GRID2: variants seen among roughly 807,000 people sequenced by gnomAD.
The protein encoded by GRID2 is glutamate receptor ionotropic, delta-2.
Under a neutral mutation model 114.8 loss-of-function variants are expected in GRID2, and 33 were observed. The observed-to-expected ratio is 0.29, with a 90% CI of 0.22 to 0.38. The LOEUF (loss-of-function observed/expected upper bound fraction) is 0.38. GRID2 is among the 10% of genes least tolerant of loss of function. The pLI is 1.00. For synonymous variants in GRID2, 505 were observed against 449.9 expected (o/e 1.12, Z -1.55); for missense variants, 1,184 against 1,257.7 (o/e 0.94, Z 0.89).
chr4:93,607,994 A>T (rs1740440347), intron 13 of GRID2, among the ~76,000 whole-genome samples: 3 of 151,250 alleles, frequency 2.0e-5, no homozygotes, highest in South Asian at 4.1e-4. Flanking sequence ...GTTTTTTCTC[A>T]TACAAAGCTA....
intron 2 of GRID2, among the ~76,000 whole-genome samples, chr4:92,878,913 G>A (rs1353284224): frequency 1.3e-5 from 2 of 151,994 alleles, no homozygotes; most frequent in African/African-American, 4.8e-5. Context: ...AACCCGTGAG[G>A]CTATCTAAAT....
intron 5 of GRID2, among the ~76,000 whole-genome samples, chr4:93,214,364 T>C (rs1743937977): frequency 6.6e-6 from 1 of 152,094 alleles, no homozygotes; most frequent in South Asian, 2.1e-4. Context: ...GATTAAATGA[T>C]CACTTGTCTT....
chr4:92,437,429 C>T (rs1439427470), intron 1 of GRID2, among the ~76,000 whole-genome samples: 2 of 152,034 alleles, frequency 1.3e-5, no homozygotes, highest in Non-Finnish European at 2.9e-5. Context: ...ACAGGCATGC[C>T]TCAAATAGCC....
chr4:92,539,603 G>GT (rs1725826821), intron 1 of GRID2, among the ~76,000 whole-genome samples: 1 of 151,792 alleles, frequency 6.6e-6, no homozygotes, highest in Non-Finnish European at 1.5e-5. Context: ...CTTCCAAATG[G>GT]TTATATTTAA....
intron 2 of GRID2, among the ~76,000 whole-genome samples, chr4:92,657,177 T>C (rs1050155833): frequency 3.1e-4 from 47 of 151,714 alleles, no homozygotes; most frequent in African/African-American, 1.0e-3. Context: ...AAGTTGGTGG[T>C]GAAAGAAGGC....
intron 10 of GRID2, among the ~76,000 whole-genome samples, chr4:93,437,168 C>G (rs142413543): frequency 9.3e-4 from 141 of 152,210 alleles, no homozygotes; most frequent in African/African-American, 3.2e-3. Context: ...ATAGAGCTTA[C>G]TTATTCCTGA....
intron 2 of GRID2, among the ~76,000 whole-genome samples, chr4:92,853,220 GATATA>G (rs1476705670): frequency 6.6e-6 from 1 of 151,886 alleles, no homozygotes; most frequent in Non-Finnish European, 1.5e-5. Flanking sequence ...AGGATTAAAT[GATATA>G]ATATATGACT....
At chr4:93,682,255 G>A (rs1358276036) in intron 14 of GRID2, among the ~76,000 whole-genome samples, 1 of 148,534 alleles carries the variant, frequency 6.7e-6, no homozygotes. Flanking sequence ...CAGTTAGAAT[G>A]GCAATCATTA....
At chr4:92,360,261 G>A (rs1728548679) in intron 1 of GRID2, among the ~76,000 whole-genome samples, 1 of 151,896 alleles carries the variant, frequency 6.6e-6, no homozygotes, top group Admixed American at 6.6e-5. Context: ...CAACTTGTTG[G>A]AGGTAACTGT....
chr4:93,255,200 G>A (rs771691724), intron 8 of GRID2, among the ~76,000 whole-genome samples: 1 of 151,892 alleles, frequency 6.6e-6, no homozygotes, highest in Admixed American at 6.6e-5. Context: ...TGATGAATGC[G>A]AAACATTTCT....
At chr4:92,642,115 A>C (rs541765768) in intron 2 of GRID2, among the ~76,000 whole-genome samples, 1 of 151,640 alleles carries the variant, frequency 6.6e-6, no homozygotes, top group African/African-American at 2.4e-5. Context: ...ATTTGGGTGC[A>C]TGTATCTTTT....
chr4:92,961,578 A>C (rs920940148), intron 2 of GRID2, among the ~76,000 whole-genome samples: 1 of 150,874 alleles, frequency 6.6e-6, no homozygotes, highest in East Asian at 1.9e-4. Flanking sequence ...CTTTCTCTCT[A>C]GTTTCTCTCA....
At chr4:92,536,049 T>C (rs772498471) in intron 1 of GRID2, among the ~76,000 whole-genome samples, 3 of 152,154 alleles carry the variant, frequency 2.0e-5, no homozygotes, top group East Asian at 1.9e-4. Flanking sequence ...AGCATTAGGA[T>C]ACATTGCAAA....
intron 2 of GRID2, among the ~76,000 whole-genome samples, chr4:92,687,430 T>G (rs141120027): frequency 4.6e-4 from 70 of 152,252 alleles, no homozygotes; most frequent in African/African-American, 1.6e-3. Context: ...TCACACACTG[T>G]TTTTAGCTTC....
chr4:93,322,646 A>G (rs1025578842), intron 8 of GRID2, among the ~76,000 whole-genome samples: 2 of 152,182 alleles, frequency 1.3e-5, no homozygotes, highest in African/African-American at 4.8e-5. Context: ...TGGTTGAACT[A>G]GTTTAGAGTC....
At position 93,551,177 on chromosome 4, in the gene GRID2, C is replaced by A. The variant is rs572533545; in HGVS notation, c.2193+35766C>A. ...GTTACCATTATTAGTACTGTAGAGA[C>A]CAGGTAACCATGTGGAGGAAATGGA... On this transcript the variant is annotated intron_variant, in intron 13 of 15. Coordinates refer to ENST00000282020, the MANE Select transcript of GRID2 (RefSeq NM_001510.4). Among the ~76,000 whole-genome samples the A allele has an allele frequency of 3.1e-4, 47 of 152,152 alleles. 1 individual carries two copies. Among genetic ancestry groups the A allele is most frequent in the South Asian group, 2.1e-3 (10 of 4,826 alleles).
chr4:93,125,387 T>C (rs1357836720), intron 4 of GRID2, among the ~76,000 whole-genome samples: 1 of 151,950 alleles, frequency 6.6e-6, no homozygotes, highest in Non-Finnish European at 1.5e-5. Flanking sequence ...CTGATATATA[T>C]ACATAATATT....
intron 13 of GRID2, among the ~76,000 whole-genome samples, chr4:93,619,090 T>C (rs1397495247): frequency 6.6e-6 from 1 of 152,194 alleles, no homozygotes; most frequent in Non-Finnish European, 1.5e-5. Context: ...CATATATTCT[T>C]TTTGAAAGTT....
chr4:93,490,085 G>T (rs1726833659), intron 11 of GRID2, among the ~76,000 whole-genome samples: 1 of 151,870 alleles, frequency 6.6e-6, no homozygotes, highest in Admixed American at 6.6e-5. Flanking sequence ...TTAAAAGATG[G>T]AGAAGAGGAT....
Sources: gnomAD v4.1 joint callset for allele counts (sites outside exome capture counted in the v4.1 genomes callset) on GRCh38, gnomAD v4.1.1 for gene constraint, MANE v1.5 for transcripts, NCBI Gene and HGNC (gene_info 2026-07-23, HGNC 2026-07-21) for gene names.